Variants in ZNF804B observed in about 807,000 individuals in gnomAD.
The protein encoded by ZNF804B is zinc finger protein 804B, also known as zinc finger 804B.
Under a neutral mutation model 101.4 loss-of-function variants are expected in ZNF804B, and 80 were observed. That is an observed-to-expected ratio of 0.79 (90% CI 0.66 to 0.95). The LOEUF is 0.95. ZNF804B is among the 40% of genes least tolerant of loss of function. The pLI is 0.00. For synonymous variants in ZNF804B, 622 were observed against 558.8 expected (o/e 1.11, Z -1.59); for missense variants, 1,673 against 1,561.9 (o/e 1.07, Z -1.20).
intron 1 of ZNF804B, among the ~76,000 whole-genome samples, chr7:89,106,105 TC>T (rs113848654): frequency 0.025 from 3,858 of 152,206 alleles, 187 homozygotes; most frequent in African/African-American, 0.087. Context: ...AAATATAAGT[TC>T]CAAATGGCAG....
At chr7:88,804,085 T>C (rs890704819) in intron 1 of ZNF804B, among the ~76,000 whole-genome samples, 3 of 152,128 alleles carry the variant, frequency 2.0e-5, no homozygotes, top group African/African-American at 7.2e-5. Context: ...CATTTAATAT[T>C]GGCAATTACG....
At chr7:89,270,378 A>T (rs953262975) in intron 2 of ZNF804B, among the ~76,000 whole-genome samples, 1 of 152,130 alleles carries the variant, frequency 6.6e-6, no homozygotes. Flanking sequence ...ATGGTTGTAG[A>T]TGGGTGTTAT....
At chr7:89,042,107 T>C (rs757105960) in intron 1 of ZNF804B, among the ~76,000 whole-genome samples, 1 of 152,160 alleles carries the variant, frequency 6.6e-6, no homozygotes, top group Non-Finnish European at 1.5e-5. Flanking sequence ...GTAGCAAGTA[T>C]TGGTAAAGAA....
intron 1 of ZNF804B, among the ~76,000 whole-genome samples, chr7:88,827,457 C>T (rs1314471327): frequency 6.6e-6 from 1 of 151,076 alleles, no homozygotes; most frequent in Non-Finnish European, 1.5e-5. Context: ...TAAAAGACAA[C>T]TTGGGAACAT....
chr7:88,844,219 T>A (rs920116508), intron 1 of ZNF804B, among the ~76,000 whole-genome samples: 6 of 152,234 alleles, frequency 3.9e-5, no homozygotes, highest in Non-Finnish European at 8.8e-5. Context: ...TACCCAAAAA[T>A]GTTAACTAAA....
chr7:88,852,786 A>G (rs1791466501), intron 1 of ZNF804B, among the ~76,000 whole-genome samples: 1 of 152,124 alleles, frequency 6.6e-6, no homozygotes, highest in Non-Finnish European at 1.5e-5. Context: ...CTGCAAATTC[A>G]CACATCTAGT....
At chr7:89,225,341 A>C (rs1433885406) in intron 2 of ZNF804B, among the ~76,000 whole-genome samples, 1 of 152,080 alleles carries the variant, frequency 6.6e-6, no homozygotes, top group Non-Finnish European at 1.5e-5. Flanking sequence ...TGGTTTTTTG[A>C]AAGAGTTGAT....
chr7:89,127,715 C>A (rs1790494312), intron 1 of ZNF804B, among the ~76,000 whole-genome samples: 1 of 151,494 alleles, frequency 6.6e-6, no homozygotes, highest in Non-Finnish European at 1.5e-5. Context: ...ACATATAAAT[C>A]TGTCTTAAAT....
chr7:89,224,729 TGTGTGTGTGTGTGTGTGTGTGTATGA>T (rs1444939978), intron 2 of ZNF804B, among the ~76,000 whole-genome samples: 5 of 98,884 alleles, frequency 5.1e-5, no homozygotes, highest in Non-Finnish European at 1.1e-4. Flanking sequence ...TGTGTGTGTG[TGTGTGTGTGTGTGTGTGTGTGTATGA>T]GTGTGTGTGT....
chr7:89,332,635 T>A (rs1408948288), intron 3 of ZNF804B, among the ~76,000 whole-genome samples: 3 of 151,872 alleles, frequency 2.0e-5, no homozygotes, highest in African/African-American at 7.2e-5. Flanking sequence ...TCTGTATGAA[T>A]TGCTAATGAA....
At chr7:89,003,937 T>G (rs1028131999) in intron 1 of ZNF804B, among the ~76,000 whole-genome samples, 1 of 151,766 alleles carries the variant, frequency 6.6e-6, no homozygotes, top group Non-Finnish European at 1.5e-5. Flanking sequence ...GGAAGAGTAG[T>G]TTTGTATAGG....
intron 1 of ZNF804B, among the ~76,000 whole-genome samples, chr7:88,934,608 G>T (rs765585208): frequency 6.6e-6 from 1 of 151,578 alleles, no homozygotes. Context: ...TCTCAAGAAA[G>T]GATAAACAAC....
intron 1 of ZNF804B, among the ~76,000 whole-genome samples, chr7:89,077,668 G>C (rs1271089203): frequency 1.3e-5 from 2 of 151,922 alleles, no homozygotes; most frequent in African/African-American, 2.4e-5. Context: ...AAAAATTTCT[G>C]TCTTTGCAAT....
intron 2 of ZNF804B, among the ~76,000 whole-genome samples, chr7:89,227,002 A>G (rs1789099534): frequency 6.6e-6 from 1 of 152,108 alleles, no homozygotes; most frequent in African/African-American, 2.4e-5. Context: ...TTCTGCTCCA[A>G]TCCTGACAAT....
rs1244344342 is a variant in ZNF804B at position 89,188,058 on chromosome 7, AT to A, written c.109-30089del. On this transcript the variant is annotated intron_variant, in intron 1 of 3. Coordinates refer to ENST00000333190, the MANE Select transcript of ZNF804B (RefSeq NM_181646.5). ...TTTTACTGTGTTTCTCAGATACTGC[AT>A]TTTTTTTCTTTTTTTTTACAAATTG... 5.3e-5 allele frequency among the ~76,000 whole-genome samples: 8 copies of A among 150,930 alleles called. No homozygotes were observed. The East Asian group carries it at 1.2e-3, about 22-fold the overall frequency.
intron 1 of ZNF804B, among the ~76,000 whole-genome samples, chr7:89,116,116 G>A (rs1268800682): frequency 2.0e-5 from 3 of 149,900 alleles, no homozygotes; most frequent in Non-Finnish European, 4.4e-5. Context: ...GTTTCGCCAT[G>A]TTCCCCAAGC....
At chr7:88,819,131 T>A (rs1790933777) in intron 1 of ZNF804B, among the ~76,000 whole-genome samples, 1 of 152,122 alleles carries the variant, frequency 6.6e-6, no homozygotes, top group African/African-American at 2.4e-5. Context: ...TTTTGTTTTG[T>A]TTTGTTTTTT....
chr7:88,901,782 G>C (rs1473862087), intron 1 of ZNF804B, among the ~76,000 whole-genome samples: 1 of 151,826 alleles, frequency 6.6e-6, no homozygotes, highest in African/African-American at 2.4e-5. Context: ...AAAAGATTTA[G>C]AATTTGAATT....
intron 1 of ZNF804B, among the ~76,000 whole-genome samples, chr7:89,076,660 A>G (rs1789618859): frequency 6.6e-6 from 1 of 152,214 alleles, no homozygotes; most frequent in African/African-American, 2.4e-5. Flanking sequence ...ACATTTACAG[A>G]AATTTTTATT....
Sources: gnomAD v4.1 joint callset for allele counts (sites outside exome capture counted in the v4.1 genomes callset) on GRCh38, gnomAD v4.1.1 for gene constraint, MANE v1.5 for transcripts, NCBI Gene and HGNC (gene_info 2026-07-23, HGNC 2026-07-21) for gene names.